EXOC4: variants seen among roughly 807,000 people sequenced by gnomAD.
EXOC4 encodes SEC8-like 1.
Under a neutral mutation model 107.2 loss-of-function variants are expected in EXOC4, and 71 were observed. The ratio of observed to expected loss-of-function variants is 0.66; its 90% CI spans 0.55 to 0.81. The LOEUF (loss-of-function observed/expected upper bound fraction) is 0.81, where lower values mean the gene tolerates loss of function less well. Among genes scored for constraint, EXOC4 ranks in the 30% least tolerant of loss-of-function variants. The pLI is 0.00. For synonymous variants in EXOC4, 456 were observed against 441.2 expected (o/e 1.03, Z -0.42); for missense variants, 1,108 against 1,189.6 (o/e 0.93, Z 1.01).
intron 5 of EXOC4, among the ~76,000 whole-genome samples, chr7:133,330,321 C>T (rs1795351980): frequency 6.6e-6 from 1 of 152,112 alleles, no homozygotes; most frequent in Non-Finnish European, 1.5e-5. Flanking sequence ...GCTATGCTGG[C>T]ACCGAGAATT....
intron 17 of EXOC4, among the ~76,000 whole-genome samples, chr7:134,038,615 C>T (rs1461202710): frequency 6.6e-6 from 1 of 152,028 alleles, no homozygotes; most frequent in East Asian, 1.9e-4. Context: ...CAGTCTCCAC[C>T]CTCTAACTCA....
intron 10 of EXOC4, among the ~76,000 whole-genome samples, chr7:133,745,729 T>TTC (rs1554395797): frequency 1.2e-4 from 16 of 138,486 alleles, no homozygotes; most frequent in Non-Finnish European, 2.2e-4. Context: ...TTTTTTTTTT[T>TTC]CCTGTTTGGG....
intron 9 of EXOC4, among the ~76,000 whole-genome samples, chr7:133,531,647 GTTC>G (rs943212038): frequency 4.6e-5 from 7 of 152,112 alleles, no homozygotes; most frequent in African/African-American, 1.4e-4. Flanking sequence ...CATGAGAAAA[GTTC>G]TTCTTATGTG....
chr7:133,436,869 T>C (rs1797988185), intron 7 of EXOC4, among the ~76,000 whole-genome samples: 1 of 152,172 alleles, frequency 6.6e-6, no homozygotes, highest in South Asian at 2.1e-4. Context: ...ACTTATGATC[T>C]TTTCCCATGA....
intron 4 of EXOC4, among the ~76,000 whole-genome samples, chr7:133,314,035 G>A (rs889516194): frequency 2.6e-5 from 4 of 152,126 alleles, no homozygotes; most frequent in South Asian, 2.1e-4. Flanking sequence ...CCAAAATAAC[G>A]TTATAATTTT....
chr7:133,422,763 A>G (rs892722007), intron 7 of EXOC4, among the ~76,000 whole-genome samples: 1 of 152,224 alleles, frequency 6.6e-6, no homozygotes, highest in Admixed American at 6.5e-5. Context: ...TAACCTAGGA[A>G]TCTAATTCTT....
intron 7 of EXOC4, among the ~76,000 whole-genome samples, chr7:133,459,612 A>G (rs1001400371): frequency 3.9e-5 from 6 of 152,166 alleles, no homozygotes; most frequent in Non-Finnish European, 7.4e-5. Flanking sequence ...TGCTGTGATA[A>G]ATGGAAAATG....
chr7:134,017,196 AGATTTTTGACTCAAGATTATT>A, intron 17 of EXOC4, among the ~76,000 whole-genome samples: 1 of 152,242 alleles, frequency 6.6e-6, no homozygotes, highest in African/African-American at 2.4e-5. Flanking sequence ...TTAATACCCC[AGATTTTTGACTCAAGATTATT>A]AGCCGTGTAG....
At chr7:133,641,762 G>GT (rs1319101860) in intron 10 of EXOC4, among the ~76,000 whole-genome samples, 1 of 152,184 alleles carries the variant, frequency 6.6e-6, no homozygotes, top group Non-Finnish European at 1.5e-5. Flanking sequence ...CAATGTAAGA[G>GT]TGGAAATAAG....
In EXOC4 at chr7:133,978,097, T is replaced by G. The variant is rs539330984; in HGVS notation, c.2207-19395T>G. Reference sequence around the variant, plus strand: ...TCAGTCAGTGATAGGCAGCCAACTCTTCAACCCAGGTTCAAATGAGGCAAA... The same window carrying G: ...TCAGTCAGTGATAGGCAGCCAACTCGTCAACCCAGGTTCAAATGAGGCAAA... On this transcript the variant is annotated intron_variant, in intron 14 of 17. Coordinates refer to ENST00000253861, the MANE Select transcript of EXOC4 (RefSeq NM_021807.4). Among the ~76,000 whole-genome samples, 4 of 152,320 alleles carry G rather than the reference T, an allele frequency of 2.6e-5. No homozygotes were observed. The South Asian group carries it at 8.3e-4, about 32-fold the overall frequency.
intron 11 of EXOC4, among the ~76,000 whole-genome samples, chr7:133,850,908 A>G (rs1798228428): frequency 6.6e-6 from 1 of 152,158 alleles, no homozygotes; most frequent in African/African-American, 2.4e-5. Context: ...GATGACTATC[A>G]TGTTTCCTGT....
At chr7:133,449,832 A>T (rs1407719746) in intron 7 of EXOC4, among the ~76,000 whole-genome samples, 2 of 151,498 alleles carry the variant, frequency 1.3e-5, no homozygotes, top group African/African-American at 4.9e-5. Context: ...TCTCTCCTCC[A>T]GCTTTTCAAT....
intron 2 of EXOC4, 43 bp from the exon 3 acceptor site, chr7:133,288,879 C>G (rs777992163): frequency 1.3e-6 from 2 of 1,566,600 alleles, no homozygotes; most frequent in South Asian, 2.3e-5. Context: ...TTTAGACTGG[C>G]AAGACTTTGG....
intron 10 of EXOC4, among the ~76,000 whole-genome samples, chr7:133,644,893 A>C (rs1208525785): frequency 6.6e-6 from 1 of 151,672 alleles, no homozygotes; most frequent in Non-Finnish European, 1.5e-5. Context: ...CATTTCCTTC[A>C]TTTTTCTGTA....
chr7:133,839,778 C>T (rs903360518), intron 11 of EXOC4, among the ~76,000 whole-genome samples: 1 of 152,144 alleles, frequency 6.6e-6, no homozygotes, highest in Non-Finnish European at 1.5e-5. Flanking sequence ...ACATGTATTT[C>T]CTTTCTTTGA....
At chr7:133,487,176 A>T (rs1799283711) in intron 9 of EXOC4, among the ~76,000 whole-genome samples, 1 of 152,204 alleles carries the variant, frequency 6.6e-6, no homozygotes, top group African/African-American at 2.4e-5. Context: ...TGAGAATACA[A>T]AATAACCATC....
chr7:133,764,924 G>A (rs1373695543), intron 10 of EXOC4, among the ~76,000 whole-genome samples: 1 of 151,914 alleles, frequency 6.6e-6, no homozygotes, highest in African/African-American at 2.4e-5. Context: ...TATTAGTTAG[G>A]TGATCCCAAA....
chr7:133,439,110 G>A (rs1025314491), intron 7 of EXOC4, among the ~76,000 whole-genome samples: 14 of 150,464 alleles, frequency 9.3e-5, no homozygotes, highest in Non-Finnish European at 1.5e-5. Flanking sequence ...GTCAGTATTT[G>A]AACCTCGGTT....
At chr7:133,527,053 A>G (rs1800093794) in intron 9 of EXOC4, among the ~76,000 whole-genome samples, 1 of 152,190 alleles carries the variant, frequency 6.6e-6, no homozygotes, top group Admixed American at 6.5e-5. Context: ...GACAATAACC[A>G]TAATACCACC....
Sources: allele counts gnomAD v4.1 joint callset (sites outside exome capture counted in the v4.1 genomes callset), GRCh38; gene constraint gnomAD v4.1.1; transcripts MANE v1.5; gene names NCBI Gene and HGNC (gene_info 2026-07-23, HGNC 2026-07-21).